The following ZNF19 variants were observed in gnomAD, a reference collection of about 807,000 sequenced individuals.
The protein encoded by ZNF19 is zinc finger protein 19 (KOX 12).
Under a neutral mutation model 13.1 loss-of-function variants are expected in ZNF19, and 11 were observed. The ratio of observed to expected loss-of-function variants is 0.84; its 90% confidence interval spans 0.53 to 1.39. ZNF19 has a LOEUF of 1.39. ZNF19 is among the 40% of genes most tolerant of loss of function. The pLI is 0.00. For synonymous variants in ZNF19, 186 were observed against 187.0 expected (o/e 0.99, Z 0.04); for missense variants, 560 against 547.0 (o/e 1.02, Z -0.24).
chr16:71,475,694 T>C lies in ZNF19; in HGVS notation c.853A>G (p.Asn285Asp). 2.5e-6 allele frequency: 4 copies of C among 1,612,490 alleles called. No homozygotes were observed. The South Asian group carries it at 4.4e-5, about 18-fold the overall frequency. ...TTCTGATGCCGAAGTAGGGGTGAAT[T>C]ACCAACAAAAGCTTTGCCACACTCA... ...CNECGKAFVG[N>D]SPLLRHQKIH... The change falls in exon 6 of 6, where the codon AAT becomes GAT. Residue 285 changes from asparagine (N) to aspartate (D), a missense_variant. Transcript: ENST00000288177.
At chr16:71,483,406 C>G (rs564076032) in intron 2 of ZNF19, among the ~76,000 whole-genome samples, 2 of 152,162 alleles carry the variant, frequency 1.3e-5, no homozygotes, top group Non-Finnish European at 2.9e-5. Context: ...GTGCCGCCAC[C>G]CTCTTTTCTC....
At position 71,475,286 on chromosome 16, in the gene ZNF19, C is replaced by A. The variant is rs1457285488; in HGVS notation, c.1261G>T (p.Ala421Ser). 1 of 1,614,070 alleles carries A rather than the reference C, an allele frequency of 6.2e-7. No homozygotes were observed. The highest frequency in any genetic ancestry group is 1.3e-5 in the African/African-American group (1 of 74,940). ...CCTAGCTGGGAAGAAGTCCCAAAGG[C>A]CTTCTCATACTTGCTACACTCATAG... ...KPYECSKYEK[A>S]FGTSSQLGHL... The change falls in exon 6 of 6, where the codon GCC becomes TCC. Residue 421 changes from alanine to serine, a missense_variant. Physicochemically the swap from Ala to Ser is moderately conservative, Grantham distance 99. Transcript: ENST00000288177.
chr16:71,483,104 T>C (rs1288897131), intron 2 of ZNF19, among the ~76,000 whole-genome samples: 2 of 152,220 alleles, frequency 1.3e-5, no homozygotes, highest in Non-Finnish European at 2.9e-5. Context: ...TAGACAAGAA[T>C]GGCCAAGAAA....
intron 4 of ZNF19, 200 bp from the exon 5 acceptor site, chr16:71,478,541 G>C (rs1005786992): frequency 1.4e-6 from 1 of 696,954 alleles, no homozygotes; most frequent in Non-Finnish European, 2.6e-6. Context: ...GTAAGTCAGT[G>C]AGATCCACAA....
intron 1 of ZNF19, among the ~76,000 whole-genome samples, chr16:71,488,357 C>CAAAAAAAAAAAAAAAA (rs1204906609): frequency 1.5e-5 from 1 of 65,388 alleles, no homozygotes; most frequent in Non-Finnish European, 3.7e-5. Flanking sequence ...GAGACTATCT[C>CAAAAAAAAAAAAAAAA]AAAAAAAAAA....
rs182349836 is a variant in ZNF19, at chr16:71,481,985, C to G, written c.33+97G>C. The G allele has an allele frequency of 2.2e-6, 3 of 1,368,856 alleles. No homozygotes were observed. The African/African-American group carries it at 4.3e-5, about 20-fold the overall frequency. The allele number at this position is 1,368,856 out of a possible 1,614,324, so 84.8% of individuals were successfully genotyped here. The stretch of plus-strand genomic sequence containing the variant: ...GAGGGAATCAGCAGGGGTTTTCCTA[C>G]TGCTTTGGCTCTAAGACTTGCCAGA... On this transcript the variant is annotated intron_variant, in intron 3 of 5. Coordinates refer to ENST00000288177, the MANE Select transcript of ZNF19 (RefSeq NM_006961.4).
chr16:71,485,063 C>G (rs1311666524), intron 1 of ZNF19, among the ~76,000 whole-genome samples: 1 of 152,118 alleles, frequency 6.6e-6, no homozygotes, highest in South Asian at 2.1e-4. Flanking sequence ...ATTGTATGTT[C>G]ATTGGTTTTG....
chr16:71,475,399 G>C lies in ZNF19; in HGVS notation c.1148C>G (p.Ser383Cys), dbSNP rs752970435. The C allele has an allele frequency of 1.2e-6, 2 of 1,613,762 alleles. No homozygotes were observed. The highest frequency in any genetic ancestry group is 2.2e-5 in the South Asian group (2 of 91,062). ...TCCACACTCATCACATACATAGGAAGACTCCTGAGTATGAATTCTCAGATG... is the reference window on the plus strand; with the variant it reads ...TCCACACTCATCACATACATAGGAACACTCCTGAGTATGAATTCTCAGATG... ...KRHLRIHTQE[S>C]SYVCDECGKA... The change falls in exon 6 of 6, where the codon TCT becomes TGT. Residue 383 changes from serine to cysteine, a missense_variant. By Grantham distance (112) the Ser-to-Cys change is moderately radical. Transcript: ENST00000288177.
At chr16:71,485,322 C>G in intron 1 of ZNF19, among the ~76,000 whole-genome samples, 1 of 151,796 alleles carries the variant, frequency 6.6e-6, no homozygotes, top group Non-Finnish European at 1.5e-5. Context: ...TAATGGCGGG[C>G]ACCTGTAATC....
intron 3 of ZNF19, among the ~76,000 whole-genome samples, chr16:71,481,639 C>T (rs2043637610): frequency 6.6e-6 from 1 of 152,182 alleles, no homozygotes; most frequent in African/African-American, 2.4e-5. Context: ...GCCCAAACTT[C>T]CTCCTTTCTT....
chr16:71,486,753 C>A (rs1376913532), intron 1 of ZNF19, among the ~76,000 whole-genome samples: 2 of 152,162 alleles, frequency 1.3e-5, no homozygotes, highest in Non-Finnish European at 2.9e-5. Context: ...CAATTCTAGA[C>A]AACCACTTTC....
chr16:71,488,881 C>T (rs1210211926), intron 1 of ZNF19: 1 of 152,242 alleles, frequency 6.6e-6, no homozygotes, highest in African/African-American at 2.4e-5. Flanking sequence ...TCCAAATCTG[C>T]CTCTTCAAAA....
intron 3 of ZNF19, among the ~76,000 whole-genome samples, chr16:71,480,340 C>T (rs546275867): frequency 6.6e-6 from 1 of 152,190 alleles, no homozygotes; most frequent in African/African-American, 2.4e-5. Context: ...ACTGACTCAC[C>T]AAGCAACCCC....
intron 2 of ZNF19, among the ~76,000 whole-genome samples, chr16:71,482,478 TTGAC>T (rs1166106344): frequency 6.6e-6 from 1 of 152,150 alleles, no homozygotes. Flanking sequence ...AAAAATAAAT[TTGAC>T]TGAGAATATA....
In ZNF19 at chr16:71,481,308, C is replaced by A. The variant is rs140249108; in HGVS notation, c.33+774G>T. ...TGAGATTATGATTTGGGATATGGTT[C>A]ATGGATACTAAGTTACTGGATAAAT... On this transcript the variant is annotated intron_variant, in intron 3 of 5. Coordinates refer to ENST00000288177, the MANE Select transcript of ZNF19 (RefSeq NM_006961.4). Among the ~76,000 whole-genome samples, 434 of 152,284 alleles carry A rather than the reference C, an allele frequency of 2.8e-3. 1 individual carries two copies. Among genetic ancestry groups the A allele is most frequent in the African/African-American group, 9.4e-3 (390 of 41,544 alleles).
In ZNF19 at chr16:71,484,724, T is replaced by C. The variant is rs2043663986; in HGVS notation, c.-165A>G. 1 of 984,754 alleles carries C rather than the reference T, an allele frequency of 1.0e-6. No individual in the cohort carries two copies. The highest frequency in any genetic ancestry group is 1.8e-5 in the African/African-American group (1 of 57,046). 61.0% of individuals were successfully genotyped at this position (984,754 alleles called of 1,614,324 possible). On this transcript the variant is annotated 5_prime_UTR_variant, in exon 2 of 6. Transcript: ENST00000288177. ...TGTGTGGTTTTACTCCCGGGAGGAG[T>C]TTCCACCCGGGGATCCTCAGAGACC...
intron 1 of ZNF19, among the ~76,000 whole-genome samples, 158 bp from the exon 2 acceptor site, chr16:71,484,906 G>A (rs2043665517): frequency 1.3e-5 from 2 of 152,170 alleles, no homozygotes; most frequent in African/African-American, 4.8e-5. Flanking sequence ...TACAGTTGAT[G>A]CAGATCTCAG....
intron 2 of ZNF19, among the ~76,000 whole-genome samples, chr16:71,483,265 G>T (rs1431005242): frequency 6.6e-6 from 1 of 152,104 alleles, no homozygotes; most frequent in Non-Finnish European, 1.5e-5. Context: ...AAAACATCTG[G>T]GTTATTGTTT....
In ZNF19 at chr16:71,475,130, A is replaced by G. The variant is rs533270019; in HGVS notation, c.*40T>C. Reference sequence around the variant, plus strand: ...TGTCACACATTCCATTCCTGAGTAGAAGACGGAATCCACTCAGTACATTTC... The same window carrying G: ...TGTCACACATTCCATTCCTGAGTAGGAGACGGAATCCACTCAGTACATTTC... On this transcript the variant is annotated 3_prime_UTR_variant, in exon 6 of 6. Transcript: ENST00000288177. The G allele has an allele frequency of 3.6e-4, 548 of 1,516,078 alleles. 1 individual carries two copies. Among genetic ancestry groups the G allele is most frequent in the Non-Finnish European group, 4.2e-4 (479 of 1,130,298 alleles). The allele number at this position is 1,516,078 out of a possible 1,614,324, so 93.9% of individuals were successfully genotyped here. A position where few individuals can be genotyped will look rare whatever the true frequency, so the allele number is the denominator to read the frequency against.
Sources: gnomAD v4.1 joint callset for allele counts (sites outside exome capture counted in the v4.1 genomes callset) on GRCh38, gnomAD v4.1.1 for gene constraint, MANE v1.5 for transcripts, NCBI Gene and HGNC (gene_info 2026-07-23, HGNC 2026-07-21) for gene names.